The following DPH6 variants were observed in gnomAD, a reference collection of about 807,000 sequenced individuals.
The protein encoded by DPH6 is diphthine--ammonia ligase.
In DPH6, 33 loss-of-function variants were observed where a neutral mutation model predicts 38.2. That is an observed-to-expected ratio of 0.86 (90% CI 0.65 to 1.15). The LOEUF (loss-of-function observed/expected upper bound fraction) is 1.15, where lower values mean the gene tolerates loss of function less well. Among genes scored for constraint, DPH6 ranks in the 50% most tolerant of loss-of-function variants. The pLI is 0.00. For synonymous variants in DPH6, 108 were observed against 103.0 expected (o/e 1.05, Z -0.30); for missense variants, 325 against 320.0 (o/e 1.02, Z -0.12).
In DPH6 at chr15:35,400,875, T is replaced by C. The variant is rs2053208193; in HGVS notation, c.567+9960A>G. ...CCAGGGGCTTTGGGTTTGTCTCATA[T>C]GCCACTGTGGAGGAGGTGGATGCAG... On this transcript the variant is annotated intron_variant, in intron 6 of 8. Coordinates refer to ENST00000256538, the MANE Select transcript of DPH6 (RefSeq NM_080650.4). The C allele has an allele frequency of 4.5e-6, 4 of 893,840 alleles. No individual in the cohort carries two copies. In the Admixed American group the frequency reaches 6.8e-5, roughly 15 times the overall value. 55.4% of individuals were successfully genotyped at this position (893,840 alleles called of 1,614,324 possible).
chr15:35,410,163 T>TTA (rs1308483778), intron 6 of DPH6, among the ~76,000 whole-genome samples: 2 of 151,924 alleles, frequency 1.3e-5, no homozygotes, highest in African/African-American at 4.8e-5. Flanking sequence ...GATAGGTTCT[T>TTA]TCATAGGAGA....
At chr15:35,436,753 G>GTTTT (rs57241274) in intron 5 of DPH6, among the ~76,000 whole-genome samples, 9 of 144,046 alleles carry the variant, frequency 6.2e-5, no homozygotes, top group Admixed American at 6.9e-5. Flanking sequence ...CTGCCTTTAA[G>GTTTT]TTTTTTTTTT....
chr15:35,327,721 T>C (rs1436470668), downstream of DPH6, among the ~76,000 whole-genome samples: 1 of 152,186 alleles, frequency 6.6e-6, no homozygotes, highest in Non-Finnish European at 1.5e-5. Flanking sequence ...TTGTGAGACT[T>C]TGGTCTCTAA....
At chr15:35,531,835 A>G (rs1467970681) in intron 3 of DPH6, among the ~76,000 whole-genome samples, 3 of 152,146 alleles carry the variant, frequency 2.0e-5, no homozygotes, top group Admixed American at 1.3e-4. Context: ...TATTCTTTTA[A>G]GAGCCTCCAT....
chr15:35,179,379 G>C, the DPH6 span, among the ~76,000 whole-genome samples: 2 of 151,876 alleles, frequency 1.3e-5, no homozygotes. Context: ...GAAATATATA[G>C]GATGTTTATG....
the DPH6 span, among the ~76,000 whole-genome samples, chr15:35,206,715 G>A: frequency 6.6e-6 from 1 of 152,226 alleles, no homozygotes; most frequent in African/African-American, 2.4e-5. Context: ...TGATTAAATG[G>A]ATACATGGTA....
the DPH6 span, among the ~76,000 whole-genome samples, chr15:35,196,564 T>C: frequency 1.6e-4 from 24 of 152,190 alleles, no homozygotes; most frequent in Admixed American, 1.6e-3. Context: ...TTCTGGGTAG[T>C]TGATCCACAG....
Position 35,538,474 on chromosome 15 carries a change from C to A in DPH6, c.119-7G>T. On this transcript the variant is annotated splice_region_variant and splice_polypyrimidine_tract_variant and intron_variant, in intron 2 of 8. Transcript: ENST00000256538. Reference sequence around the variant, plus strand: ...TCCAGTTCATCAGACCCCACTGCAACAATTAAAATGGAAATAATTAGCAAA... The same window carrying A: ...TCCAGTTCATCAGACCCCACTGCAAAAATTAAAATGGAAATAATTAGCAAA... The A allele has an allele frequency of 3.4e-6, 5 of 1,488,824 alleles. No individual in the cohort carries two copies. The highest frequency in any genetic ancestry group is 3.6e-6 in the Non-Finnish European group (4 of 1,101,052). The allele number at this position is 1,488,824 out of a possible 1,614,324, so 92.2% of individuals were successfully genotyped here.
At chr15:35,404,936 T>C (rs1021917934) in intron 6 of DPH6, among the ~76,000 whole-genome samples, 6 of 152,128 alleles carry the variant, frequency 3.9e-5, no homozygotes, top group Non-Finnish European at 8.8e-5. Flanking sequence ...TTTATTTTTC[T>C]GCATATAGAT....
At chr15:35,324,765 A>T (rs895616078) in intron 3 of DPH6, among the ~76,000 whole-genome samples, 1 of 152,172 alleles carries the variant, frequency 6.6e-6, no homozygotes, top group African/African-American at 2.4e-5. Flanking sequence ...CTCAACAAAC[A>T]AAAGAATTTT....
intron 3 of DPH6, among the ~76,000 whole-genome samples, chr15:35,484,474 A>G (rs1007537686): frequency 3.3e-5 from 5 of 152,178 alleles, no homozygotes; most frequent in African/African-American, 1.2e-4. Context: ...AATGTCATTT[A>G]TATGGCCGTT....
chr15:35,322,023 A>G (rs1250041003), intron 3 of DPH6, among the ~76,000 whole-genome samples: 1 of 152,170 alleles, frequency 6.6e-6, no homozygotes, highest in Non-Finnish European at 1.5e-5. Flanking sequence ...AGAAATCACA[A>G]GGGTGTAGAA....
At chr15:35,160,377 A>G in the DPH6 span, among the ~76,000 whole-genome samples, 1 of 152,044 alleles carries the variant, frequency 6.6e-6, no homozygotes, top group Non-Finnish European at 1.5e-5. Flanking sequence ...CACAGAAACC[A>G]TTCTTGTCAG....
intron 3 of DPH6, among the ~76,000 whole-genome samples, chr15:35,516,355 G>A (rs1208081664): frequency 6.6e-6 from 1 of 152,172 alleles, no homozygotes; most frequent in African/African-American, 2.4e-5. Context: ...AAGTAAGTAT[G>A]TAATAGTTAA....
At chr15:35,182,256 T>C in the DPH6 span, among the ~76,000 whole-genome samples, 41 of 94,008 alleles carry the variant, frequency 4.4e-4, no homozygotes, top group African/African-American at 1.4e-3. Flanking sequence ...TTTTTTTTTT[T>C]ACTTTTAAGG....
chr15:35,184,061 T>TG, the DPH6 span, among the ~76,000 whole-genome samples: 1 of 152,210 alleles, frequency 6.6e-6, no homozygotes, highest in Non-Finnish European at 1.5e-5. Context: ...AAAATGAACA[T>TG]GGACTATAAA....
At chr15:35,294,410 G>C (rs1466673684) in intron 3 of DPH6, among the ~76,000 whole-genome samples, 3 of 152,194 alleles carry the variant, frequency 2.0e-5, no homozygotes, top group African/African-American at 7.2e-5. Context: ...CTTTCAGACA[G>C]TAGGTTTGTA....
chr15:35,425,752 T>C (rs991839312), intron 5 of DPH6, among the ~76,000 whole-genome samples: 1 of 149,132 alleles, frequency 6.7e-6, no homozygotes, highest in Non-Finnish European at 1.5e-5. Flanking sequence ...CTCAATCTAT[T>C]CCAAAATTCA....
chr15:35,388,573 AGT>A (rs2053005624), intron 6 of DPH6, among the ~76,000 whole-genome samples: 1 of 152,050 alleles, frequency 6.6e-6, no homozygotes, highest in Non-Finnish European at 1.5e-5. Flanking sequence ...GTCTTGGAAG[AGT>A]GTATGTGTCC....
Sources: gnomAD v4.1 joint callset for allele counts (sites outside exome capture counted in the v4.1 genomes callset) on GRCh38, gnomAD v4.1.1 for gene constraint, MANE v1.5 for transcripts, NCBI Gene and HGNC (gene_info 2026-07-23, HGNC 2026-07-21) for gene names.